The following CCDC186 variants were observed in gnomAD, a reference collection of about 807,000 sequenced individuals.
CCDC186 encodes coiled-coil domain-containing protein 186.
In CCDC186, 49 loss-of-function variants were observed where a neutral mutation model predicts 113.7. That is an observed-to-expected ratio of 0.43 (90% CI 0.34 to 0.55). The LOEUF is 0.55. Ranked by LOEUF, CCDC186 falls within the 20% of genes least tolerant of loss-of-function variation. CCDC186 has a pLI of 0.02. For synonymous variants in CCDC186, 355 were observed against 345.8 expected (o/e 1.03, Z -0.30); for missense variants, 890 against 1,011.1 (o/e 0.88, Z 1.62).
At chr10:114,127,414 A>G (rs1245584729) in intron 14 of CCDC186, 47 bp downstream of exon 14, 35 of 1,534,796 alleles carry the variant, frequency 2.3e-5, no homozygotes, top group Non-Finnish European at 3.0e-5. Context: ...TTGCTATATG[A>G]GTAACGGTAT....
At chr10:114,153,063 A>G (rs2031902481) in intron 3 of CCDC186, among the ~76,000 whole-genome samples, 1 of 152,326 alleles carries the variant, frequency 6.6e-6, no homozygotes, top group African/African-American at 2.4e-5. Flanking sequence ...AAATAGAATT[A>G]GGCAGAAAAT....
rs1326733726 is a variant in CCDC186, at chr10:114,136,275, A to G, written c.1327-29T>C. 3 of 1,522,934 alleles carry G rather than the reference A, an allele frequency of 2.0e-6. No homozygotes were observed. In the South Asian group the frequency reaches 3.4e-5, roughly 17 times the overall value. 94.3% of individuals were successfully genotyped at this position (1,522,934 alleles called of 1,614,324 possible). On this transcript the variant is annotated intron_variant, in intron 7 of 15. Coordinates refer to ENST00000369287, the MANE Select transcript of CCDC186 (RefSeq NM_018017.4). ...GTGGAAAGAAAACAAAAAAAGTGTG[A>G]CAATTTTTAACCCATTTCCCGTTTG... is the stretch of plus-strand genomic sequence containing the variant.
chr10:114,142,980 G>C (rs1351008354), intron 6 of CCDC186, among the ~76,000 whole-genome samples: 3 of 152,094 alleles, frequency 2.0e-5, no homozygotes. Context: ...GACACTCTTT[G>C]AAAGTAACGA....
rs923318827 is a variant in CCDC186, at chr10:114,124,612, T to A, written c.*531A>T. 2 of 152,234 alleles carry A rather than the reference T, an allele frequency of 1.3e-5. No individual in the cohort carries two copies. The highest frequency in any genetic ancestry group is 4.8e-5 in the African/African-American group (2 of 41,468). 9.4% of individuals were successfully genotyped at this position (152,234 alleles called of 1,614,324 possible). On this transcript the variant is annotated 3_prime_UTR_variant, in exon 16 of 16. Transcript: ENST00000369287. ...AGCTAGCTTTCCTATTAAGTTCAGC[T>A]TTCATTAAAACTGAAATTAAAAGAT...
chr10:114,146,189 G>A (rs532881957), intron 4 of CCDC186, among the ~76,000 whole-genome samples: 65 of 152,266 alleles, frequency 4.3e-4, no homozygotes, highest in Non-Finnish European at 7.2e-4. Flanking sequence ...GTGAGATCTG[G>A]CTCCTCCAGA....
intron 4 of CCDC186, among the ~76,000 whole-genome samples, chr10:114,149,286 C>T (rs762981543): frequency 2.2e-4 from 33 of 152,024 alleles, no homozygotes; most frequent in Non-Finnish European, 3.8e-4. Flanking sequence ...ACATACATAG[C>T]AGTGAGTGCA....
intron 6 of CCDC186, among the ~76,000 whole-genome samples, chr10:114,140,822 T>C (rs1392964885): frequency 1.3e-5 from 2 of 152,158 alleles, no homozygotes; most frequent in African/African-American, 2.4e-5. Context: ...CTTGGACATA[T>C]GGAATGTATT....
chr10:114,139,517 C>T (rs1462678276), intron 6 of CCDC186, among the ~76,000 whole-genome samples: 1 of 149,408 alleles, frequency 6.7e-6, no homozygotes, highest in Non-Finnish European at 1.5e-5. Context: ...GAGCCAAGAT[C>T]GCACCACTGC....
At chr10:114,142,696 A>C (rs1178892742) in intron 6 of CCDC186, among the ~76,000 whole-genome samples, 1 of 152,184 alleles carries the variant, frequency 6.6e-6, no homozygotes, top group Non-Finnish European at 1.5e-5. Context: ...GGTAATATGC[A>C]CTGGGGGTCT....
At chr10:114,138,462 T>G (rs2031354558) in intron 6 of CCDC186, among the ~76,000 whole-genome samples, 1 of 151,464 alleles carries the variant, frequency 6.6e-6, no homozygotes, top group African/African-American at 2.4e-5. Context: ...TTCAGCTAAT[T>G]TTTGTATTTT....
At chr10:114,153,645 G>C (rs1286058520) in intron 3 of CCDC186, among the ~76,000 whole-genome samples, 1 of 151,886 alleles carries the variant, frequency 6.6e-6, no homozygotes, top group East Asian at 1.9e-4. Context: ...AATTAGCTGG[G>C]CATGGTGGCG....
chr10:114,123,729 C>G lies in CCDC186; in HGVS notation c.*1414G>C, dbSNP rs563697132. On this transcript the variant is annotated 3_prime_UTR_variant, in exon 16 of 16. Transcript: ENST00000369287. ...AAATTCAATGACAGAAATATTGATA[C>G]TACGGCAACACTTAAGTGTCTATCT... The G allele has an allele frequency of 1.3e-5, 2 of 152,286 alleles. No individual in the cohort carries two copies. The highest frequency in any genetic ancestry group is 3.9e-4 in the East Asian group (2 of 5,194). 9.4% of individuals were successfully genotyped at this position (152,286 alleles called of 1,614,324 possible).
intron 4 of CCDC186, among the ~76,000 whole-genome samples, chr10:114,148,341 A>C (rs1485005481): frequency 6.6e-6 from 1 of 152,186 alleles, no homozygotes; most frequent in Non-Finnish European, 1.5e-5. Context: ...AAACAAGACA[A>C]TACAATAACT....
At chr10:114,149,758 A>AAGGAAGGAAGGAAGGAAGGAAGGC (rs1564912893) in intron 4 of CCDC186, among the ~76,000 whole-genome samples, 6 of 28,112 alleles carry the variant, frequency 2.1e-4, no homozygotes, top group African/African-American at 7.1e-4. Flanking sequence ...GGAAGGCAGG[A>AAGGAAGGAAGGAAGGAAGGAAGGC]AGGAAGGAAG....
chr10:114,149,887 C>T (rs1240356022), intron 4 of CCDC186, among the ~76,000 whole-genome samples: 1 of 145,962 alleles, frequency 6.9e-6, no homozygotes, highest in Non-Finnish European at 1.5e-5. Flanking sequence ...GTTGGCTCAC[C>T]AGGTGATTCT....
At chr10:114,139,886 C>T (rs1020712274) in intron 6 of CCDC186, among the ~76,000 whole-genome samples, 4 of 152,220 alleles carry the variant, frequency 2.6e-5, no homozygotes, top group East Asian at 1.9e-4. Context: ...GCACTTCATT[C>T]GCTCAAAAAA....
In CCDC186 at chr10:114,127,679, C is replaced by CA. The variant is rs745503695; in HGVS notation, c.2183-9dup. 1.4e-5 allele frequency: 22 copies of CA among 1,600,134 alleles called. No homozygotes were observed. The highest frequency in any genetic ancestry group is 5.4e-5 in the African/African-American group (4 of 73,632). Reference sequence around the variant, plus strand: ...TTCGAGCATTCAGGGACCCTGAAGACAAAAAAAATTGGTTTAGATACTGTG... The same window carrying CA: ...TTCGAGCATTCAGGGACCCTGAAGACAAAAAAAAATTGGTTTAGATACTGTG... On this transcript the variant is annotated splice_polypyrimidine_tract_variant and intron_variant, in intron 13 of 15. Transcript: ENST00000369287.
chr10:114,142,745 C>T (rs1002417757), intron 6 of CCDC186, among the ~76,000 whole-genome samples: 1 of 152,154 alleles, frequency 6.6e-6, no homozygotes, highest in Non-Finnish European at 1.5e-5. Flanking sequence ...CAGTAAGCTA[C>T]AGGACTGCAG....
At chr10:114,152,722 C>A (rs2031892031) in intron 3 of CCDC186, among the ~76,000 whole-genome samples, 1 of 151,998 alleles carries the variant, frequency 6.6e-6, no homozygotes, top group African/African-American at 2.4e-5. Context: ...ATTAAAGAAA[C>A]AAGATTCAAC....
Sources: allele counts gnomAD v4.1 joint callset (sites outside exome capture counted in the v4.1 genomes callset), GRCh38; gene constraint gnomAD v4.1.1; transcripts MANE v1.5; gene names NCBI Gene and HGNC (gene_info 2026-07-23, HGNC 2026-07-21).